The following MYRIP variants were observed in gnomAD, a reference collection of about 807,000 sequenced individuals.
MYRIP encodes the protein myosin VIIA and Rab interacting protein.
A neutral mutation model predicts 98.0 loss-of-function variants in MYRIP; 49 were observed. That is an observed-to-expected ratio of 0.50 (90% CI 0.40 to 0.63). MYRIP has a LOEUF of 0.63. MYRIP is among the 30% of genes least tolerant of loss of function. MYRIP has a pLI of 0.00. For missense variants in MYRIP, 1,004 were observed against 1,058.2 expected (o/e 0.95, Z 0.71); for synonymous variants, 404 against 409.5 (o/e 0.99, Z 0.16).
At position 40,167,203 on chromosome 3, in the gene MYRIP, G is replaced by C; in HGVS notation, c.693G>C (p.Glu231Asp). The change falls in exon 7 of 17, where the codon GAG (glutamate) becomes GAC (aspartate). Residue 231 changes from glutamate (E) to aspartate (D), a missense_variant. By Grantham distance (45) the Glu-to-Asp change is conservative. This residue lies in a region of MYRIP where 880 missense variants were observed against 907.7 expected (regional missense o/e 0.97). Transcript: ENST00000302541. ...GTTACCTGCGGGACCACAAGGAGGAGCTAACTGAGGAACTGGCCACGACAA... is the reference window on the plus strand; with the variant it reads ...GTTACCTGCGGGACCACAAGGAGGACCTAACTGAGGAACTGGCCACGACAA... ...EASYLRDHKE[E>D]LTEELATTIL... is the part of the protein sequence containing the mutation. 6.2e-7 allele frequency: 1 copy of C among 1,614,202 alleles called. No homozygotes were observed. Among genetic ancestry groups the C allele is most frequent in the Non-Finnish European group, 8.5e-7 (1 of 1,180,042 alleles).
intron 2 of MYRIP, among the ~76,000 whole-genome samples, chr3:40,035,267 C>T (rs183462481): frequency 4.5e-4 from 68 of 151,132 alleles, no homozygotes; most frequent in Admixed American, 8.6e-4. Flanking sequence ...AAATCAAAAC[C>T]GCAAAACCCC....
At position 40,193,390 on chromosome 3, in the gene MYRIP, A is replaced by G. The variant is rs577780679; in HGVS notation, c.1665+2927A>G. On this transcript the variant is annotated intron_variant, in intron 10 of 16. Coordinates refer to ENST00000302541, the MANE Select transcript of MYRIP (RefSeq NM_015460.4). ...TTCCTGCCTGGTTCAGTGGCTTCCA[A>G]CACCTAACTCCTTAACCCCCTTGGT... is the stretch of plus-strand genomic sequence containing the variant. Among the ~76,000 whole-genome samples, 9 of 152,346 alleles carry G rather than the reference A, an allele frequency of 5.9e-5. No homozygotes were observed. In the South Asian group the frequency reaches 1.0e-3, roughly 18 times the overall value.
intron 8 of MYRIP, among the ~76,000 whole-genome samples, chr3:40,180,120 G>A (rs1211870736): frequency 6.6e-6 from 1 of 152,180 alleles, no homozygotes; most frequent in African/African-American, 2.4e-5. Context: ...TGTGCCCTCA[G>A]AATGAAGGAG....
chr3:39,822,238 C>G (rs138606202), intron 1 of MYRIP, among the ~76,000 whole-genome samples: 2 of 152,070 alleles, frequency 1.3e-5, no homozygotes, highest in Non-Finnish European at 2.9e-5. Flanking sequence ...TCAATATATA[C>G]GGTATACAGT....
chr3:40,186,939 G>A (rs1337531411), intron 9 of MYRIP, among the ~76,000 whole-genome samples: 4 of 152,124 alleles, frequency 2.6e-5, no homozygotes, highest in Non-Finnish European at 1.5e-5. Context: ...ACCACCACAG[G>A]TAGAACCCAA....
intron 11 of MYRIP, among the ~76,000 whole-genome samples, chr3:40,230,508 C>T (rs1347174822): frequency 1.3e-5 from 2 of 152,176 alleles, no homozygotes; most frequent in Non-Finnish European, 2.9e-5. Context: ...TCAGTGTTAG[C>T]CCTGTAGGAA....
At chr3:40,154,326 T>C (rs902843278) in intron 4 of MYRIP, among the ~76,000 whole-genome samples, 4 of 152,172 alleles carry the variant, frequency 2.6e-5, no homozygotes, top group African/African-American at 9.6e-5. Context: ...ATCAGACAAA[T>C]CTAAGATGTA....
rs1215008645 is a variant in MYRIP at position 40,192,392 on chromosome 3, A to ATAAATGAATATAG, written c.1665+1932_1665+1944dup. Among the ~76,000 whole-genome samples, 9 of 142,016 alleles carry ATAAATGAATATAG rather than the reference A, an allele frequency of 6.3e-5. No individual in the cohort carries two copies. The Admixed American group carries it at 6.4e-4, about 10-fold the overall frequency. 93.2% of individuals were successfully genotyped at this position (142,016 alleles called of 152,430 possible). ...AGTTATTTACTTTTTAATTATATAA[A>ATAAATGAATATAG]TAAATGAATATAGTATAATGTAAAA... On this transcript the variant is annotated intron_variant, in intron 10 of 16. Coordinates refer to ENST00000302541, the MANE Select transcript of MYRIP (RefSeq NM_015460.4).
intron 1 of MYRIP, among the ~76,000 whole-genome samples, chr3:39,854,701 G>A (rs1050560715): frequency 6.6e-6 from 1 of 152,134 alleles, no homozygotes; most frequent in African/African-American, 2.4e-5. Flanking sequence ...ATCTTTTGGG[G>A]TGTTACAGAA....
intron 2 of MYRIP, among the ~76,000 whole-genome samples, chr3:40,027,255 C>G (rs1947153797): frequency 6.6e-6 from 1 of 152,122 alleles, no homozygotes; most frequent in Non-Finnish European, 1.5e-5. Context: ...CTTCCCTGCA[C>G]TCTCCAATGA....
rs201802515 is a variant in MYRIP at position 40,242,813 on chromosome 3, CCTCT to C, written c.2101-1626_2101-1623del. 2.1e-4 allele frequency among the ~76,000 whole-genome samples: 32 copies of C among 151,952 alleles called. 1 individual carries two copies. In the East Asian group the frequency reaches 4.1e-3, roughly 19 times the overall value. ...TTAAAAAAGTATGATAAACTTCAAA[CCTCT>C]CTCTCTGTTTCTCCCCCTTTTCCCC... On this transcript the variant is annotated intron_variant, in intron 12 of 16. Transcript: ENST00000302541.
chr3:40,202,412 G>T (rs1473105809), intron 10 of MYRIP, among the ~76,000 whole-genome samples: 1 of 152,092 alleles, frequency 6.6e-6, no homozygotes, highest in Admixed American at 6.6e-5. Flanking sequence ...TTTAATTACG[G>T]TAGGCTGGAT....
At chr3:40,059,500 T>C (rs1201053792) in intron 3 of MYRIP, among the ~76,000 whole-genome samples, 1 of 152,180 alleles carries the variant, frequency 6.6e-6, no homozygotes, top group East Asian at 1.9e-4. Flanking sequence ...TGGTATCTTG[T>C]TGTGGTTTTG....
At chr3:40,144,434 G>C (rs765309248) in intron 3 of MYRIP, among the ~76,000 whole-genome samples, 32 of 152,298 alleles carry the variant, frequency 2.1e-4, no homozygotes, top group Non-Finnish European at 3.8e-4. Flanking sequence ...TGGAGAGGGA[G>C]GGAGGAGTGT....
intron 2 of MYRIP, among the ~76,000 whole-genome samples, chr3:39,978,517 C>G (rs1420057482): frequency 2.0e-5 from 3 of 152,196 alleles, no homozygotes; most frequent in African/African-American, 7.2e-5. Context: ...CATCCTGTCT[C>G]TCTCACATTG....
chr3:39,944,136 A>G (rs1050993443), intron 2 of MYRIP, among the ~76,000 whole-genome samples: 4 of 152,146 alleles, frequency 2.6e-5, no homozygotes, highest in African/African-American at 9.7e-5. Context: ...GGATGTTTAA[A>G]CCATTATTCC....
chr3:40,039,940 AAACCT>A (rs953600651), intron 2 of MYRIP, among the ~76,000 whole-genome samples: 5 of 152,158 alleles, frequency 3.3e-5, no homozygotes, highest in African/African-American at 1.2e-4. Context: ...GGCTGCTGGC[AAACCT>A]TGGTGTTACT....
intron 1 of MYRIP, among the ~76,000 whole-genome samples, chr3:39,866,492 C>T (rs1009158135): frequency 3.3e-5 from 5 of 151,806 alleles, no homozygotes; most frequent in Non-Finnish European, 7.4e-5. Flanking sequence ...TTTTTTGAGA[C>T]GGAGTTTCGC....
intron 2 of MYRIP, among the ~76,000 whole-genome samples, chr3:40,002,590 G>T (rs1946544226): frequency 6.6e-6 from 1 of 151,568 alleles, no homozygotes; most frequent in Non-Finnish European, 1.5e-5. Context: ...CCACTCCCAA[G>T]ATCTGCTCAT....
Sources: gnomAD v4.1 joint callset for allele counts (sites outside exome capture counted in the v4.1 genomes callset) on GRCh38, gnomAD v4.1.1 for gene constraint, gnomAD v4.1.1 regional missense constraint, MANE v1.5 for transcripts, NCBI Gene and HGNC (gene_info 2026-07-23, HGNC 2026-07-21) for gene names.